CACNA1E: variants seen among roughly 807,000 people sequenced by gnomAD.
CACNA1E encodes the protein voltage-dependent R-type calcium channel subunit alpha-1E.
A neutral mutation model predicts 259.2 loss-of-function variants in CACNA1E; 40 were observed. The observed-to-expected ratio is 0.15, with a 90% CI of 0.12 to 0.20. CACNA1E has a LOEUF of 0.20. Among genes scored for constraint, CACNA1E ranks in the 10% least tolerant of loss-of-function variants. The pLI, the probability that CACNA1E is intolerant of heterozygous loss-of-function variation, is 1.00. For missense variants in CACNA1E, 1,874 were observed against 3,040.1 expected (o/e 0.62, Z 9.02); for synonymous variants, 1,104 against 1,138.5 (o/e 0.97, Z 0.61).
intron 7 of CACNA1E, among the ~76,000 whole-genome samples, chr1:181,691,724 C>CA (rs1269184778): frequency 2.0e-5 from 3 of 152,084 alleles, no homozygotes; most frequent in Non-Finnish European, 2.9e-5. Context: ...ACTGAATGGG[C>CA]AAAAGCTGGA....
intron 3 of CACNA1E, among the ~76,000 whole-genome samples, chr1:181,570,045 AG>A (rs1650253756): frequency 6.6e-6 from 1 of 152,198 alleles, no homozygotes; most frequent in Non-Finnish European, 1.5e-5. Context: ...TAGAGCCAGG[AG>A]GGGTCTGAGA....
chr1:181,806,905 T>G lies in CACNA1E; in HGVS notation c.*8071T>G, dbSNP rs1662665366. Reference sequence around the variant, plus strand: ...CTGGCAGCAGGCTCTGCAGCTGCACTTAGTTGGGGTCTGCTCAGACCAGTC... The same window carrying G: ...CTGGCAGCAGGCTCTGCAGCTGCACGTAGTTGGGGTCTGCTCAGACCAGTC... On this transcript the variant is annotated 3_prime_UTR_variant, in exon 48 of 48. Transcript: ENST00000367573. 1 of 152,118 alleles carries G rather than the reference T, an allele frequency of 6.6e-6. No homozygotes were observed. Among genetic ancestry groups the G allele is most frequent in the Admixed American group, 6.5e-5 (1 of 15,270 alleles). 9.4% of individuals were successfully genotyped at this position (152,118 alleles called of 1,614,324 possible). A position where few individuals can be genotyped will look rare whatever the true frequency, so the allele number is the denominator to read the frequency against.
intron 7 of CACNA1E, among the ~76,000 whole-genome samples, chr1:181,705,041 C>A (rs1427667970): frequency 2.0e-5 from 3 of 152,198 alleles, no homozygotes; most frequent in African/African-American, 7.2e-5. Context: ...ATAATCAAGT[C>A]TAGAAATGTG....
At chr1:181,672,123 C>G (rs991437845) in intron 7 of CACNA1E, among the ~76,000 whole-genome samples, 13 of 152,168 alleles carry the variant, frequency 8.5e-5, no homozygotes, top group African/African-American at 3.1e-4. Context: ...CCTTAGCAAA[C>G]TAACGCAGGA....
intron 3 of CACNA1E, among the ~76,000 whole-genome samples, chr1:181,552,320 T>G (rs1338354917): frequency 6.6e-6 from 1 of 152,230 alleles, no homozygotes; most frequent in African/African-American, 2.4e-5. Context: ...CATTTGTACT[T>G]TTTTGATTTT....
intron 3 of CACNA1E, among the ~76,000 whole-genome samples, chr1:181,541,000 C>T (rs1276736115): frequency 1.3e-5 from 2 of 152,174 alleles, no homozygotes; most frequent in East Asian, 1.9e-4. Flanking sequence ...TAGAGATGCT[C>T]AACTGGTGAG....
At chr1:181,791,483 A>G (rs1272755670) in intron 44 of CACNA1E, among the ~76,000 whole-genome samples, 2 of 152,170 alleles carry the variant, frequency 1.3e-5, no homozygotes, top group African/African-American at 4.8e-5. Flanking sequence ...AAAAACAAAC[A>G]AAAAAGCAAT....
rs952454183 is a variant in CACNA1E at position 181,528,127 on chromosome 1, G to A, written c.512+16617G>A. 2.0e-5 allele frequency among the ~76,000 whole-genome samples: 3 copies of A among 147,062 alleles called. No homozygotes were observed. The South Asian group carries it at 6.6e-4, about 32-fold the overall frequency. ...GTTGTATCTCCCACAATTCCCACAT[G>A]TTGTGGGAGGGGCCCGGGGTGGGGG... On this transcript the variant is annotated intron_variant, in intron 3 of 47. Coordinates refer to ENST00000367573, the MANE Select transcript of CACNA1E (RefSeq NM_001205293.3).
rs77911562 is a variant in CACNA1E, at chr1:181,676,001, A to G, written c.1055+24560A>G. ...TTATAGCTCAGCTTTACTCTTTTCA[A>G]TGAATTTCACTGTAGCCCAAGCGAC... On this transcript the variant is annotated intron_variant, in intron 7 of 47. Coordinates refer to ENST00000367573, the MANE Select transcript of CACNA1E (RefSeq NM_001205293.3). Among the ~76,000 whole-genome samples the G allele has an allele frequency of 4.8e-3, 594 of 122,756 alleles. 8 individuals carry two copies. The highest frequency in any genetic ancestry group is 0.018 in the African/African-American group (553 of 30,858). 80.5% of individuals were successfully genotyped at this position (122,756 alleles called of 152,430 possible). A position where few individuals can be genotyped will look rare whatever the true frequency, so the allele number is the denominator to read the frequency against.
chr1:181,594,137 C>T (rs908137570), intron 6 of CACNA1E, among the ~76,000 whole-genome samples: 15 of 151,640 alleles, frequency 9.9e-5, no homozygotes, highest in African/African-American at 3.6e-4. Flanking sequence ...AAAATCTATG[C>T]TGATATATAT....
intron 7 of CACNA1E, among the ~76,000 whole-genome samples, chr1:181,697,824 T>G (rs1039747889): frequency 6.6e-6 from 1 of 152,228 alleles, no homozygotes; most frequent in African/African-American, 2.4e-5. Flanking sequence ...GGTCCATGGT[T>G]CACACTTTGA....
chr1:181,691,183 C>T (rs1651116037), intron 7 of CACNA1E, among the ~76,000 whole-genome samples: 1 of 151,632 alleles, frequency 6.6e-6, no homozygotes, highest in Admixed American at 6.6e-5. Flanking sequence ...TTTCTATGCA[C>T]TGCATTAAAA....
intron 5 of CACNA1E, 76 bp from the exon 6 acceptor site, chr1:181,580,519 A>G (rs559776518): frequency 2.1e-6 from 3 of 1,432,876 alleles, no homozygotes; most frequent in African/African-American, 2.8e-5. Context: ...TTGCTTGCCT[A>G]TGGCTTCCTG....
chr1:181,763,386 G>C lies in CACNA1E; in HGVS notation c.4690-20G>C. 2 of 1,557,588 alleles carry C rather than the reference G, an allele frequency of 1.3e-6. No individual in the cohort carries two copies. Reference sequence around the variant, plus strand: ...ATCACCATAATGTTCCTAATTATATGTTTCCTTTTGGTCCACCAGCTGGTG... The same window carrying C: ...ATCACCATAATGTTCCTAATTATATCTTTCCTTTTGGTCCACCAGCTGGTG... On this transcript the variant is annotated intron_variant, in intron 33 of 47. Transcript: ENST00000367573.
At chr1:181,598,710 G>A (rs961807296) in intron 6 of CACNA1E, among the ~76,000 whole-genome samples, 1 of 152,180 alleles carries the variant, frequency 6.6e-6, no homozygotes, top group Non-Finnish European at 1.5e-5. Context: ...TGCCCCCAGG[G>A]CTCAAATGTG....
chr1:181,343,318 G>A (rs765493074), intron 1 of CACNA1E, among the ~76,000 whole-genome samples: 3 of 152,172 alleles, frequency 2.0e-5, no homozygotes, highest in African/African-American at 4.8e-5. Context: ...GGCGTAGGGG[G>A]AGATGTTTGG....
chr1:181,713,729 C>T (rs1244794053), intron 8 of CACNA1E, among the ~76,000 whole-genome samples: 2 of 152,162 alleles, frequency 1.3e-5, no homozygotes, highest in African/African-American at 4.8e-5. Flanking sequence ...GCTCCCTGGC[C>T]TATGGGTTGA....
intron 3 of CACNA1E, among the ~76,000 whole-genome samples, chr1:181,560,995 C>A (rs1649267222): frequency 6.6e-6 from 1 of 152,126 alleles, no homozygotes; most frequent in African/African-American, 2.4e-5. Context: ...CACAAAAGGA[C>A]AAATACTATG....
intron 3 of CACNA1E, among the ~76,000 whole-genome samples, chr1:181,517,292 C>A (rs1370398978): frequency 6.6e-6 from 1 of 152,054 alleles, no homozygotes; most frequent in Non-Finnish European, 1.5e-5. Context: ...TGGAGAGAGG[C>A]ACACAGACAG....
Sources: allele counts gnomAD v4.1 joint callset (sites outside exome capture counted in the v4.1 genomes callset), GRCh38; gene constraint gnomAD v4.1.1; transcripts MANE v1.5; gene names NCBI Gene and HGNC (gene_info 2026-07-23, HGNC 2026-07-21).